Variants in EIF4G3 observed in about 807,000 individuals in gnomAD.
EIF4G3 encodes eukaryotic translation initiation factor 4 gamma 3.
Under a neutral mutation model 186.4 loss-of-function variants are expected in EIF4G3, and 34 were observed. The observed-to-expected ratio is 0.18, with a 90% CI of 0.14 to 0.24. The LOEUF (loss-of-function observed/expected upper bound fraction) is 0.24. Among genes scored for constraint, EIF4G3 ranks in the 10% least tolerant of loss-of-function variants. The pLI is 1.00. For synonymous variants in EIF4G3, 673 were observed against 679.5 expected (o/e 0.99, Z 0.15); for missense variants, 1,536 against 1,948.5 (o/e 0.79, Z 3.99).
In EIF4G3 at chr1:21,023,353, C is replaced by T. The variant is rs370392098; in HGVS notation, c.-66-20545G>A. 8.0e-5 allele frequency among the ~76,000 whole-genome samples: 12 copies of T among 149,848 alleles called. No homozygotes were observed. In the East Asian group the frequency reaches 2.2e-3, roughly 28 times the overall value. ...GGACTGTACTGCTGCCATCTCGGCT[C>T]ACTGCAACCTCCCTGCCTGATTCTC... On this transcript the variant is annotated intron_variant, in intron 4 of 36. Coordinates refer to ENST00000602326, the MANE Select transcript of EIF4G3 (RefSeq NM_001391906.1).
chr1:21,143,844 C>T (rs935062382), intron 2 of EIF4G3, among the ~76,000 whole-genome samples: 1 of 152,098 alleles, frequency 6.6e-6, no homozygotes, highest in African/African-American at 2.4e-5. Flanking sequence ...ATCACTTGAA[C>T]CCAGGAGGTG....
chr1:20,948,914 CAGG>C (rs1174131324), intron 13 of EIF4G3, among the ~76,000 whole-genome samples: 1 of 133,884 alleles, frequency 7.5e-6, no homozygotes, highest in Non-Finnish European at 1.5e-5. Context: ...GCGGCTGAGG[CAGG>C]AGAATAGCTT....
intron 14 of EIF4G3, among the ~76,000 whole-genome samples, chr1:20,930,754 T>A (rs760413899): frequency 1.2e-4 from 18 of 152,308 alleles, no homozygotes; most frequent in Admixed American, 1.0e-3. Flanking sequence ...TGCACTTACT[T>A]CTTCTACTGA....
At chr1:21,138,022 C>G (rs561539329) in intron 2 of EIF4G3, among the ~76,000 whole-genome samples, 1 of 152,176 alleles carries the variant, frequency 6.6e-6, no homozygotes, top group Admixed American at 6.5e-5. Context: ...AAAACCACAA[C>G]TCTACTTTTC....
At chr1:20,950,438 T>C (rs988372214) in intron 12 of EIF4G3, among the ~76,000 whole-genome samples, 4 of 152,158 alleles carry the variant, frequency 2.6e-5, no homozygotes, top group South Asian at 2.1e-4. Context: ...AACCTAACAA[T>C]AGACGACACA....
At chr1:20,948,374 A>G (rs2096061446) in intron 13 of EIF4G3, among the ~76,000 whole-genome samples, 1 of 152,164 alleles carries the variant, frequency 6.6e-6, no homozygotes, top group African/African-American at 2.4e-5. Flanking sequence ...TTTAACTCAA[A>G]ATGTTGCTGA....
At chr1:21,032,138 A>T (rs1025550110) in intron 4 of EIF4G3, among the ~76,000 whole-genome samples, 1 of 152,236 alleles carries the variant, frequency 6.6e-6, no homozygotes, top group African/African-American at 2.4e-5. Context: ...CATCTTTTTA[A>T]ATCATTTCCA....
rs534264800 is a variant in EIF4G3 at position 20,836,795 on chromosome 1, C to T, written c.4061+4061G>A. 3.3e-5 allele frequency among the ~76,000 whole-genome samples: 5 copies of T among 152,304 alleles called. No individual in the cohort carries two copies. In the South Asian group the frequency reaches 6.2e-4, roughly 19 times the overall value. On this transcript the variant is annotated intron_variant, in intron 30 of 36. Transcript: ENST00000602326. ...GTTCTGTGACTAACAGCAAACTGCA[C>T]TCAACTATATTTACTAGACAGTTTT... is the stretch of plus-strand genomic sequence containing the variant.
At chr1:21,045,653 C>T (rs1354156004) in intron 4 of EIF4G3, among the ~76,000 whole-genome samples, 1 of 152,074 alleles carries the variant, frequency 6.6e-6, no homozygotes, top group Non-Finnish European at 1.5e-5. Flanking sequence ...TAATCAGCGC[C>T]AGTTTGGTCT....
At position 20,861,027 on chromosome 1, in the gene EIF4G3, T is replaced by C. The variant is rs192945710; in HGVS notation, c.3112-510A>G. Among the ~76,000 whole-genome samples the C allele has an allele frequency of 1.3e-3, 199 of 152,298 alleles. 2 individuals carry two copies. The highest frequency in any genetic ancestry group is 0.01 in the Middle Eastern group (3 of 294). On this transcript the variant is annotated intron_variant, in intron 23 of 36. Transcript: ENST00000602326. Reference sequence around the variant, plus strand: ...ATGGTTCTGATATTCTACACAAAGGTCCATACCACTCTGCCCTTTGGTTAT... The same window carrying C: ...ATGGTTCTGATATTCTACACAAAGGCCCATACCACTCTGCCCTTTGGTTAT...
intron 22 of EIF4G3, 136 bp downstream of exon 22, chr1:20,864,340 C>T: frequency 2.8e-6 from 2 of 712,920 alleles, no homozygotes; most frequent in South Asian, 1.8e-5. Context: ...TGAACACTGA[C>T]AATGAGACGG....
At chr1:20,964,173 A>C (rs959406915) in intron 12 of EIF4G3, among the ~76,000 whole-genome samples, 1 of 152,184 alleles carries the variant, frequency 6.6e-6, no homozygotes, top group African/African-American at 2.4e-5. Context: ...TTCCCACTTT[A>C]ATAGGTAAGA....
At chr1:21,007,265 G>T (rs1439360865) in intron 4 of EIF4G3, among the ~76,000 whole-genome samples, 1 of 151,934 alleles carries the variant, frequency 6.6e-6, no homozygotes, top group East Asian at 1.9e-4. Flanking sequence ...GGGTGTGGTG[G>T]TGGGCACCTG....
chr1:20,935,388 C>T (rs1339821052), intron 14 of EIF4G3, among the ~76,000 whole-genome samples: 2 of 151,878 alleles, frequency 1.3e-5, no homozygotes, highest in Non-Finnish European at 2.9e-5. Context: ...GACTAAATTA[C>T]CAAGTATTTT....
intron 2 of EIF4G3, among the ~76,000 whole-genome samples, chr1:21,170,257 T>C (rs965819375): frequency 1.3e-5 from 2 of 152,186 alleles, no homozygotes; most frequent in Non-Finnish European, 2.9e-5. Context: ...AGCAGTATTC[T>C]AGGTGCTAGC....
intron 2 of EIF4G3, among the ~76,000 whole-genome samples, chr1:21,151,720 TA>T (rs11289703): frequency 0.96 from 143,763 of 149,666 alleles, 69,220 homozygotes; most frequent in South Asian, 1. Context: ...TTGTATTAAA[TA>T]AAAAAAAAAA....
intron 4 of EIF4G3, among the ~76,000 whole-genome samples, chr1:21,015,056 G>C (rs2088508307): frequency 1.4e-5 from 2 of 142,868 alleles, no homozygotes; most frequent in Non-Finnish European, 1.5e-5. Context: ...TATTAACAAA[G>C]AGATAGAAAT....
intron 8 of EIF4G3, among the ~76,000 whole-genome samples, chr1:20,981,454 A>C (rs1393558734): frequency 6.6e-6 from 1 of 151,840 alleles, no homozygotes. Flanking sequence ...GGTGGTTTCG[A>C]CCCGACTGTA....
chr1:20,942,043 T>G lies in EIF4G3; in HGVS notation c.1111A>C (p.Ser371Arg). ...SPREDTIPIP[S>R]LTSCTETSDP... Reference sequence around the variant, plus strand: ...GATGTTTCTGTGCAAGATGTGAGGCTGGGTATAGGAATTGTGTCTTCTCTT... The same window carrying G: ...GATGTTTCTGTGCAAGATGTGAGGCGGGGTATAGGAATTGTGTCTTCTCTT... The change falls in exon 14 of 37, where the codon AGC becomes CGC. Residue 371 changes from serine (S) to arginine (R), a missense_variant. By Grantham distance (110) the Ser-to-Arg change is moderately radical (BLOSUM62 -1). Coordinates refer to ENST00000602326, the MANE Select transcript of EIF4G3 (RefSeq NM_001391906.1). 1 of 1,614,208 alleles carries G rather than the reference T, an allele frequency of 6.2e-7. No homozygotes were observed. Among genetic ancestry groups the G allele is most frequent in the Non-Finnish European group, 8.5e-7 (1 of 1,180,020 alleles).
Sources: allele counts gnomAD v4.1 joint callset (sites outside exome capture counted in the v4.1 genomes callset), GRCh38; gene constraint gnomAD v4.1.1; transcripts MANE v1.5; gene names NCBI Gene and HGNC (gene_info 2026-07-23, HGNC 2026-07-21).